Variants in POU6F2 observed in about 807,000 individuals in gnomAD.
The protein encoded by POU6F2 is POU domain, class 6, transcription factor 2.
Under a neutral mutation model 71.3 loss-of-function variants are expected in POU6F2, and 31 were observed. That is an observed-to-expected ratio of 0.43 (90% CI 0.33 to 0.59). POU6F2 has a LOEUF of 0.59. Among genes scored for constraint, POU6F2 ranks in the 20% least tolerant of loss-of-function variants. The pLI is 0.04. For synonymous variants in POU6F2, 347 were observed against 355.7 expected, an observed-to-expected ratio of 0.98 and a Z score of 0.27; for missense variants, 783 against 856.8, an observed-to-expected ratio of 0.91 and a Z score of 1.07.
chr7:39,148,068 C>A (rs1358269992), intron 2 of POU6F2, among the ~76,000 whole-genome samples: 1 of 152,228 alleles, frequency 6.6e-6, no homozygotes, highest in Non-Finnish European at 1.5e-5. Context: ...ATGGCAGAAG[C>A]CCTCTCAGGA....
chr7:39,397,479 CATATATATAT>C (rs138498102), intron 5 of POU6F2, among the ~76,000 whole-genome samples: 1 of 142,504 alleles, frequency 7.0e-6, no homozygotes, highest in Non-Finnish European at 1.5e-5. Flanking sequence ...TAGAGAGAGA[CATATATATAT>C]ATATATATAT....
intron 4 of POU6F2, among the ~76,000 whole-genome samples, chr7:39,336,125 T>G (rs188405694): frequency 6.6e-6 from 1 of 152,260 alleles, no homozygotes; most frequent in Non-Finnish European, 1.5e-5. Context: ...ACAATACACA[T>G]AACATACAAC....
chr7:39,166,779 C>T (rs1183438221), intron 2 of POU6F2, among the ~76,000 whole-genome samples: 1 of 152,120 alleles, frequency 6.6e-6, no homozygotes, highest in Non-Finnish European at 1.5e-5. Context: ...ATGTTCACCT[C>T]GCCCTAGTAA....
intron 1 of POU6F2, among the ~76,000 whole-genome samples, chr7:39,030,859 C>CCA (rs1554310535): frequency 6.7e-6 from 1 of 149,752 alleles, no homozygotes; most frequent in Non-Finnish European, 1.5e-5. Flanking sequence ...CTGCCCCCCC[C>CCA]AAAAAAAAAT....
At chr7:39,412,012 G>A (rs543365951) in intron 6 of POU6F2, among the ~76,000 whole-genome samples, 2 of 152,316 alleles carry the variant, frequency 1.3e-5, no homozygotes, top group African/African-American at 4.8e-5. Flanking sequence ...GTTGTAATAA[G>A]ACAAATAACA....
chr7:38,989,140 C>A (rs918781666), intron 1 of POU6F2, among the ~76,000 whole-genome samples: 1 of 151,998 alleles, frequency 6.6e-6, no homozygotes, highest in Non-Finnish European at 1.5e-5. Context: ...AGGCTAGGAG[C>A]CACACTAGCC....
At position 39,372,027 on chromosome 7, in the gene POU6F2, T is replaced by TTCAGCCTCCC; in HGVS notation, c.972+32012_972+32013insTCAGCCTCCC. ...AAATTCTGGGCTCAAGCAATCCTCC[T>TTCAGCCTCCC]GCTTCAGCCTCCCTCCCAAGTAGCT... On this transcript the variant is annotated intron_variant, in intron 5 of 9. Coordinates refer to ENST00000518318, the MANE Select transcript of POU6F2 (RefSeq NM_001370959.1). Among the ~76,000 whole-genome samples the TTCAGCCTCCC allele has an allele frequency of 2.6e-5, 4 of 152,340 alleles. No homozygotes were observed. The South Asian group carries it at 8.3e-4, about 32-fold the overall frequency.
chr7:39,464,874 T>C lies in POU6F2; in HGVS notation c.*188T>C. ...ATGGTTTCTACATGTCCGTTGGTTT[T>C]CCAAAAAGGAAAGAAGAAAATTTTT... On this transcript the variant is annotated 3_prime_UTR_variant, in exon 10 of 10. Coordinates refer to ENST00000518318, the MANE Select transcript of POU6F2 (RefSeq NM_001370959.1). This position sits in a 1 kb window ranked among gnomAD's most constrained non-coding sequence, Gnocchi z 4.1. 1 of 822,024 alleles carries C rather than the reference T, an allele frequency of 1.2e-6. No homozygotes were observed. Among genetic ancestry groups the C allele is most frequent in the South Asian group, 2.2e-5 (1 of 46,062 alleles). The allele number at this position is 822,024 out of a possible 1,614,324, so 50.9% of individuals were successfully genotyped here.
intron 1 of POU6F2, among the ~76,000 whole-genome samples, chr7:39,062,103 A>G (rs1317683859): frequency 2.0e-5 from 3 of 152,192 alleles, no homozygotes; most frequent in Non-Finnish European, 4.4e-5. Context: ...GTGTGAGTTC[A>G]TGGATACTAC....
chr7:39,132,342 C>T (rs1437779290), intron 2 of POU6F2: 1 of 152,052 alleles, frequency 6.6e-6, no homozygotes. Context: ...GTTCTCATAC[C>T]TTCTAATTTT....
At chr7:39,418,063 T>C (rs1404019893) in intron 6 of POU6F2, among the ~76,000 whole-genome samples, 1 of 152,278 alleles carries the variant, frequency 6.6e-6, no homozygotes, top group African/African-American at 2.4e-5. Flanking sequence ...ATTCCCATTA[T>C]ACAGATTAAG....
intron 2 of POU6F2, among the ~76,000 whole-genome samples, chr7:39,102,001 T>G (rs13233728): frequency 0.039 from 6,014 of 152,302 alleles, 168 homozygotes; most frequent in Middle Eastern, 0.078. Context: ...GGACACCTTA[T>G]TTTTTGGTCT....
At chr7:39,357,957 T>C (rs1189537087) in intron 5 of POU6F2, among the ~76,000 whole-genome samples, 1 of 152,080 alleles carries the variant, frequency 6.6e-6, no homozygotes, top group Non-Finnish European at 1.5e-5. Context: ...AGATTTCTTC[T>C]CAGATGAATT....
intron 5 of POU6F2, among the ~76,000 whole-genome samples, chr7:39,378,300 AC>A (rs1333700354): frequency 9.9e-5 from 15 of 152,256 alleles, no homozygotes; most frequent in Admixed American, 9.2e-4. Context: ...ATCCTGGGCT[AC>A]CCTGCAGATG....
chr7:39,128,646 A>G (rs1434783650), intron 2 of POU6F2, among the ~76,000 whole-genome samples: 1 of 152,242 alleles, frequency 6.6e-6, no homozygotes, highest in Non-Finnish European at 1.5e-5. Context: ...GAATGTGCAC[A>G]GGATGAAATT....
At chr7:38,984,370 C>T (rs1400778571) in intron 1 of POU6F2, 2 of 152,080 alleles carry the variant, frequency 1.3e-5, no homozygotes, top group African/African-American at 2.4e-5. Flanking sequence ...AAGTGAAAAG[C>T]GAAATCTTTG....
chr7:39,262,972 A>T (rs1784168119), intron 4 of POU6F2, among the ~76,000 whole-genome samples: 1 of 152,188 alleles, frequency 6.6e-6, no homozygotes. Flanking sequence ...TTCCTAAGGT[A>T]CCATGTTCTG....
intron 2 of POU6F2, among the ~76,000 whole-genome samples, chr7:39,108,595 T>TC (rs1791741212): frequency 6.6e-6 from 1 of 152,200 alleles, no homozygotes; most frequent in African/African-American, 2.4e-5. Context: ...ACCCAGGGAA[T>TC]ATTTCCTAGA....
At chr7:39,206,815 A>T (rs140400334) in intron 3 of POU6F2, among the ~76,000 whole-genome samples, 1 of 152,228 alleles carries the variant, frequency 6.6e-6, no homozygotes, top group African/African-American at 2.4e-5. Flanking sequence ...GTATATTCTG[A>T]GTTAAAGGGG....
Sources: gnomAD v4.1 joint callset for allele counts (sites outside exome capture counted in the v4.1 genomes callset) on GRCh38, gnomAD v4.1.1 for gene constraint, Gnocchi (gnomAD v3.1) non-coding constraint, MANE v1.5 for transcripts, NCBI Gene and HGNC (gene_info 2026-07-23, HGNC 2026-07-21) for gene names.